MTUS2: variants seen among roughly 807,000 people sequenced by gnomAD.
MTUS2 encodes microtubule-associated tumor suppressor candidate 2.
Under a neutral mutation model 114.1 loss-of-function variants are expected in MTUS2, and 40 were observed. That is an observed-to-expected ratio of 0.35 (90% CI 0.27 to 0.46). The LOEUF (loss-of-function observed/expected upper bound fraction) is 0.46, where lower values mean the gene tolerates loss of function less well. MTUS2 is among the 20% of genes least tolerant of loss of function. MTUS2 has a pLI of 1.00. For missense variants in MTUS2, 1,679 were observed against 1,705.4 expected (o/e 0.98, Z 0.27); for synonymous variants, 688 against 672.0 (o/e 1.02, Z -0.37).
chr13:29,371,337 C>A (rs1227105588), intron 8 of MTUS2, among the ~76,000 whole-genome samples: 1 of 151,356 alleles, frequency 6.6e-6, no homozygotes, highest in African/African-American at 2.4e-5. Context: ...TCTGCCTGAG[C>A]CTCCTGAGTA....
chr13:29,406,891 TTTCTC>T (rs1874795605), intron 8 of MTUS2, among the ~76,000 whole-genome samples: 1 of 152,382 alleles, frequency 6.6e-6, no homozygotes, highest in East Asian at 1.9e-4. Context: ...ATTCATCTGT[TTTCTC>T]TGCTGTATGT....
intron 7 of MTUS2, among the ~76,000 whole-genome samples, chr13:29,354,475 C>A (rs1352053915): frequency 6.6e-6 from 1 of 152,028 alleles, no homozygotes; most frequent in Non-Finnish European, 1.5e-5. Context: ...ATACTGTATG[C>A]CACGTTTTAT....
At chr13:29,010,361 T>C (rs1257920012) in intron 2 of MTUS2, among the ~76,000 whole-genome samples, 2 of 152,216 alleles carry the variant, frequency 1.3e-5, no homozygotes, top group Non-Finnish European at 2.9e-5. Context: ...TCTCTTTTCC[T>C]CCAGCCTCCT....
rs143368230 is a variant in MTUS2, at chr13:29,321,568, G to A, written c.2807-3045G>A. ...CCAGCAAAGGGAGGGTAAAACTTTC[G>A]ATTTGAGTTATTCCTATAGGACTGC... is the stretch of plus-strand genomic sequence containing the variant. On this transcript the variant is annotated intron_variant, in intron 6 of 15. Coordinates refer to ENST00000612955, the MANE Select transcript of MTUS2 (RefSeq NM_001033602.4). Among the ~76,000 whole-genome samples the A allele has an allele frequency of 5.3e-5, 8 of 152,248 alleles. No homozygotes were observed. In the South Asian group the frequency reaches 1.7e-3, roughly 32 times the overall value.
intron 2 of MTUS2, among the ~76,000 whole-genome samples, chr13:28,980,191 G>T (rs577793482): frequency 1.1e-4 from 16 of 152,298 alleles, no homozygotes; most frequent in African/African-American, 3.6e-4. Context: ...AAAATAAATT[G>T]ATTACAATAG....
chr13:29,020,120 G>A (rs1886232067), intron 2 of MTUS2, among the ~76,000 whole-genome samples: 2 of 152,140 alleles, frequency 1.3e-5, no homozygotes, highest in Non-Finnish European at 2.9e-5. Context: ...GCATCAGGTA[G>A]GTTATAAGCC....
intron 5 of MTUS2, among the ~76,000 whole-genome samples, chr13:29,164,639 A>C (rs1893239176): frequency 6.6e-6 from 1 of 152,232 alleles, no homozygotes; most frequent in Admixed American, 6.5e-5. Flanking sequence ...TTTGCACTAG[A>C]GTGGGAGCCC....
chr13:29,077,860 AT>A (rs1365884720), intron 4 of MTUS2, among the ~76,000 whole-genome samples: 2 of 152,226 alleles, frequency 1.3e-5, no homozygotes, highest in African/African-American at 2.4e-5. Flanking sequence ...AAACGCTATG[AT>A]TTTAGTTGAT....
intron 4 of MTUS2, among the ~76,000 whole-genome samples, chr13:29,061,020 C>T (rs326525): frequency 0.94 from 143,059 of 152,070 alleles, 67,569 homozygotes; most frequent in Non-Finnish European, 0.98. Flanking sequence ...AGGCTGGTCT[C>T]AAACTCCTGA....
In MTUS2 at chr13:29,383,252, G is replaced by GTGTGTGTATT. The variant is rs5802519; in HGVS notation, c.3117+23780_3117+23781insGTGTGTATTT. Among the ~76,000 whole-genome samples, 485 of 135,952 alleles carry GTGTGTGTATT rather than the reference G, an allele frequency of 3.6e-3. 2 individuals carry two copies. The highest frequency in any genetic ancestry group is 0.013 in the East Asian group (61 of 4,722). The allele number at this position is 135,952 out of a possible 152,430, so 89.2% of individuals were successfully genotyped here. A position where few individuals can be genotyped will look rare whatever the true frequency, so the allele number is the denominator to read the frequency against. ...TGTGTGTGTGTGTGTGTGTGTGTGT[G>GTGTGTGTATT]TATTTATTTTTCTCATGCAGGTCTT... On this transcript the variant is annotated intron_variant, in intron 8 of 15. Transcript: ENST00000612955.
In MTUS2 at chr13:29,319,483, C is replaced by T. The variant is rs145041813; in HGVS notation, c.2807-5130C>T. ...ATATCCTGCCAGCTTGGGCATCTATCGAGTAGAGAATTTTTGTCTAGTAAA... is the reference window on the plus strand; with the variant it reads ...ATATCCTGCCAGCTTGGGCATCTATTGAGTAGAGAATTTTTGTCTAGTAAA... On this transcript the variant is annotated intron_variant, in intron 6 of 15. Transcript: ENST00000612955. Among the ~76,000 whole-genome samples the T allele has an allele frequency of 2.4e-3, 363 of 152,302 alleles. 4 individuals carry two copies. The highest frequency in any genetic ancestry group is 8.3e-3 in the African/African-American group (347 of 41,570).
At chr13:29,324,164 C>A (rs1318482827) in intron 6 of MTUS2, among the ~76,000 whole-genome samples, 1 of 152,192 alleles carries the variant, frequency 6.6e-6, no homozygotes, top group Admixed American at 6.5e-5. Flanking sequence ...CAGACCATGT[C>A]CCCCGTGGCT....
intron 9 of MTUS2, among the ~76,000 whole-genome samples, chr13:29,473,111 AAAT>A (rs1193373142): frequency 1.3e-5 from 2 of 152,154 alleles, no homozygotes; most frequent in Admixed American, 1.3e-4. Context: ...GTAAATATGT[AAAT>A]AATATATACT....
intron 5 of MTUS2, among the ~76,000 whole-genome samples, chr13:29,229,438 C>A (rs1896239098): frequency 6.6e-6 from 1 of 152,160 alleles, no homozygotes; most frequent in African/African-American, 2.4e-5. Flanking sequence ...AGATTCCTTT[C>A]CCATTGACAT....
chr13:29,450,086 C>T (rs1353830202), intron 9 of MTUS2, among the ~76,000 whole-genome samples: 1 of 152,146 alleles, frequency 6.6e-6, no homozygotes, highest in South Asian at 2.1e-4. Context: ...CATCTATATT[C>T]CAGGTGGCAG....
intron 6 of MTUS2, among the ~76,000 whole-genome samples, chr13:29,290,760 C>T (rs190410770): frequency 1.9e-3 from 289 of 152,282 alleles, no homozygotes; most frequent in Non-Finnish European, 1.4e-3. Context: ...CCCCTTGTAG[C>T]TCTGCTCACG....
chr13:29,288,729 C>G (rs575573893), intron 6 of MTUS2, among the ~76,000 whole-genome samples: 4 of 152,198 alleles, frequency 2.6e-5, no homozygotes, highest in African/African-American at 9.6e-5. Context: ...GAGATGGATT[C>G]TGGGGGAGTT....
chr13:29,400,967 G>A (rs956328916), intron 8 of MTUS2, among the ~76,000 whole-genome samples: 2 of 152,040 alleles, frequency 1.3e-5, no homozygotes, highest in African/African-American at 4.8e-5. Context: ...TGTGTCTATT[G>A]TATGTGTTGC....
intron 6 of MTUS2, among the ~76,000 whole-genome samples, chr13:29,293,806 C>T (rs1208505866): frequency 6.6e-6 from 1 of 151,932 alleles, no homozygotes; most frequent in African/African-American, 2.4e-5. Context: ...CATAACATGT[C>T]ATTAAAGGTA....
Sources: gnomAD v4.1 joint callset for allele counts (sites outside exome capture counted in the v4.1 genomes callset) on GRCh38, gnomAD v4.1.1 for gene constraint, MANE v1.5 for transcripts, NCBI Gene and HGNC (gene_info 2026-07-23, HGNC 2026-07-21) for gene names.